The following ELAVL2 variants were observed in gnomAD, a reference collection of about 807,000 sequenced individuals.
ELAVL2 encodes ELAV like RNA binding protein 2.
A neutral mutation model predicts 34.6 loss-of-function variants in ELAVL2; 4 were observed. That is an observed-to-expected ratio of 0.12 (90% CI 0.06 to 0.26). ELAVL2 has a LOEUF of 0.26. Ranked by LOEUF, ELAVL2 falls within the 10% of genes least tolerant of loss-of-function variation. The pLI is 1.00. For missense variants in ELAVL2, 432 were observed against 442.8 expected, an observed-to-expected ratio of 0.98 and a Z score of 0.22; for synonymous variants, 193 against 154.8, an observed-to-expected ratio of 1.25 and a Z score of -1.83.
At chr9:23,783,131 A>AATACCTGTGAAAGGT (rs3838730) in intron 1 of ELAVL2, among the ~76,000 whole-genome samples, 19,224 of 152,116 alleles carry the variant, frequency 0.13, 1,626 homozygotes, top group East Asian at 0.27. Context: ...AATTTACTCC[A>AATACCTGTGAAAGGT]ATACCTGTGA....
the ELAVL2 span, among the ~76,000 whole-genome samples, chr9:23,842,153 T>A: frequency 6.6e-6 from 1 of 152,206 alleles, no homozygotes; most frequent in African/African-American, 2.4e-5. Context: ...CGTGGCTCTT[T>A]GAAATTTCAG....
chr9:23,715,873 T>C (rs1248730646), intron 3 of ELAVL2, among the ~76,000 whole-genome samples: 3 of 152,002 alleles, frequency 2.0e-5, no homozygotes, highest in Non-Finnish European at 2.9e-5. Context: ...CCAGTACCGG[T>C]TGGTAATGTG....
the ELAVL2 span, among the ~76,000 whole-genome samples, chr9:23,841,896 A>T: frequency 6.6e-6 from 1 of 152,178 alleles, no homozygotes; most frequent in Admixed American, 6.5e-5. Flanking sequence ...TGTCAGGAAC[A>T]TATTTCCTTT....
intron 1 of ELAVL2, among the ~76,000 whole-genome samples, chr9:23,778,824 A>T (rs1331106622): frequency 6.6e-6 from 1 of 152,180 alleles, no homozygotes; most frequent in Non-Finnish European, 1.5e-5. Context: ...GTCACTAAAC[A>T]TCCTAATATG....
At chr9:23,749,649 T>C (rs893899095) in intron 2 of ELAVL2, among the ~76,000 whole-genome samples, 12 of 152,244 alleles carry the variant, frequency 7.9e-5, no homozygotes, top group Admixed American at 2.6e-4. Context: ...TTTTGCATGA[T>C]GCAAAGTGAG....
rs539698622 is a variant in ELAVL2, at chr9:23,774,382, A to G, written c.-15-12133T>C. On this transcript the variant is annotated intron_variant, in intron 1 of 6. Transcript: ENST00000397312. ...CATGGAAAGGAAAGACTGTGGACAG[A>G]AAGTACAGTATGCAGACTTTTCCTA... Among the ~76,000 whole-genome samples the G allele has an allele frequency of 7.9e-5, 12 of 152,230 alleles. 1 individual carries two copies. In the South Asian group the frequency reaches 2.5e-3, roughly 32 times the overall value.
chr9:23,737,377 A>G (rs1165797832), intron 2 of ELAVL2, among the ~76,000 whole-genome samples: 1 of 152,224 alleles, frequency 6.6e-6, no homozygotes, highest in Non-Finnish European at 1.5e-5. Context: ...TGCCTTCATA[A>G]GGAAGTCATA....
At chr9:23,840,564 A>G in the ELAVL2 span, among the ~76,000 whole-genome samples, 1 of 152,154 alleles carries the variant, frequency 6.6e-6, no homozygotes, top group Non-Finnish European at 1.5e-5. Flanking sequence ...TGCCAATTTT[A>G]TACTTTGTGT....
chr9:23,807,446 G>C (rs78085233), intron 1 of ELAVL2, among the ~76,000 whole-genome samples: 5,157 of 151,962 alleles, frequency 0.034, 265 homozygotes, highest in Admixed American at 0.12. Flanking sequence ...AGAAGCCACT[G>C]ACATTTTTTT....
intron 2 of ELAVL2, among the ~76,000 whole-genome samples, chr9:23,746,714 AAG>A: frequency 6.6e-6 from 1 of 152,008 alleles, no homozygotes; most frequent in Admixed American, 6.6e-5. Flanking sequence ...TATACTAAGA[AAG>A]AGAATTCCCC....
intron 1 of ELAVL2, among the ~76,000 whole-genome samples, chr9:23,766,963 T>G (rs2056402870): frequency 6.6e-6 from 1 of 152,194 alleles, no homozygotes. Context: ...AAATAATGTT[T>G]CAATATATAT....
chr9:23,742,631 T>C (rs1183026083), intron 2 of ELAVL2, among the ~76,000 whole-genome samples: 2 of 152,134 alleles, frequency 1.3e-5, no homozygotes, highest in East Asian at 1.9e-4. Context: ...GGGGGGAAAA[T>C]GTCCACTGTA....
At chr9:23,821,547 A>T (rs2064730891) in intron 1 of ELAVL2, 1 of 152,158 alleles carries the variant, frequency 6.6e-6, no homozygotes, top group African/African-American at 2.4e-5. Context: ...TCGGCGTCCA[A>T]AATGGACCAG....
At chr9:23,755,845 TACTGGTCTGCAAGAATCAG>T (rs2053425064) in intron 2 of ELAVL2, among the ~76,000 whole-genome samples, 1 of 152,172 alleles carries the variant, frequency 6.6e-6, no homozygotes, top group Non-Finnish European at 1.5e-5. Context: ...TGTTTCCAAC[TACTGGTCTGCAAGAATCAG>T]AATTCTTGAT....
At chr9:23,804,049 AG>A (rs1426232211) in intron 1 of ELAVL2, among the ~76,000 whole-genome samples, 1 of 152,224 alleles carries the variant, frequency 6.6e-6, no homozygotes, top group African/African-American at 2.4e-5. Context: ...GAAAAGCCCA[AG>A]GGGGATCAGC....
chr9:23,734,042 A>AT (rs1415842097), intron 2 of ELAVL2, among the ~76,000 whole-genome samples: 11 of 152,210 alleles, frequency 7.2e-5, no homozygotes, highest in African/African-American at 2.7e-4. Flanking sequence ...GCCACTCAGA[A>AT]TATGTTTGAG....
At chr9:23,778,346 G>A (rs535988669) in intron 1 of ELAVL2, among the ~76,000 whole-genome samples, 3 of 152,252 alleles carry the variant, frequency 2.0e-5, no homozygotes, top group South Asian at 4.1e-4. Flanking sequence ...ATGTTACGTG[G>A]TTTCTCCAAC....
chr9:23,736,117 T>TACTAG (rs1403464353), intron 2 of ELAVL2, among the ~76,000 whole-genome samples: 4 of 152,218 alleles, frequency 2.6e-5, no homozygotes, highest in African/African-American at 9.6e-5. Context: ...CTTTTCTATT[T>TACTAG]TAAATTACTA....
intron 2 of ELAVL2, among the ~76,000 whole-genome samples, chr9:23,751,785 A>G (rs900608094): frequency 2.6e-5 from 4 of 152,172 alleles, no homozygotes; most frequent in African/African-American, 9.7e-5. Flanking sequence ...GAGCACCTTC[A>G]TATTTTAAGT....
Sources: gnomAD v4.1 joint callset for allele counts (sites outside exome capture counted in the v4.1 genomes callset) on GRCh38, gnomAD v4.1.1 for gene constraint, MANE v1.5 for transcripts, NCBI Gene and HGNC (gene_info 2026-07-23, HGNC 2026-07-21) for gene names.